ZBBX: variants seen among roughly 807,000 people sequenced by gnomAD.
The protein encoded by ZBBX is zinc finger B-box domain containing, also known as zinc finger B-box domain-containing protein 1.
Under a neutral mutation model 108.5 loss-of-function variants are expected in ZBBX, and 101 were observed. The ratio of observed to expected loss-of-function variants is 0.93; its 90% CI spans 0.79 to 1.10. The LOEUF (loss-of-function observed/expected upper bound fraction) is 1.10. Among genes scored for constraint, ZBBX ranks in the 50% least tolerant of loss-of-function variants. The pLI, the probability that ZBBX is intolerant of heterozygous loss-of-function variation, is 0.00. For missense variants in ZBBX, 1,009 were observed against 941.4 expected, an observed-to-expected ratio of 1.07 and a Z score of -0.94; for synonymous variants, 356 against 323.4, an observed-to-expected ratio of 1.10 and a Z score of -1.08.
intron 6 of ZBBX, among the ~76,000 whole-genome samples, chr3:167,363,578 C>G (rs1426640200): frequency 6.6e-6 from 1 of 151,850 alleles, no homozygotes; most frequent in Non-Finnish European, 1.5e-5. Flanking sequence ...CTTCAAAGAC[C>G]ACACACCCAG....
intron 2 of ZBBX, among the ~76,000 whole-genome samples, chr3:167,379,334 TAAAAAGCGAATA>T (rs1234968653): frequency 6.6e-6 from 1 of 152,164 alleles, no homozygotes; most frequent in African/African-American, 2.4e-5. Context: ...AGGTAAAAAT[TAAAAAGCGAATA>T]AAATAATTGC....
chr3:167,363,554 T>C (rs1744862874), intron 6 of ZBBX, among the ~76,000 whole-genome samples: 1 of 152,060 alleles, frequency 6.6e-6, no homozygotes, highest in Non-Finnish European at 1.5e-5. Flanking sequence ...GAAGGCCTCT[T>C]TAATGGACTA....
At chr3:167,369,738 C>T (rs1319851482) in intron 4 of ZBBX, among the ~76,000 whole-genome samples, 1 of 152,130 alleles carries the variant, frequency 6.6e-6, no homozygotes, top group Non-Finnish European at 1.5e-5. Flanking sequence ...CACAAAGAAA[C>T]AGCACATACC....
chr3:167,250,723 T>G, intron 20 of ZBBX, among the ~76,000 whole-genome samples: 1 of 152,042 alleles, frequency 6.6e-6, no homozygotes, highest in East Asian at 1.9e-4. Flanking sequence ...CTAAAGGTAG[T>G]TAGATGTACA....
At chr3:167,266,940 T>C (rs746945023) in intron 20 of ZBBX, among the ~76,000 whole-genome samples, 1 of 152,036 alleles carries the variant, frequency 6.6e-6, no homozygotes, top group Non-Finnish European at 1.5e-5. Flanking sequence ...CCCAGTGTGA[T>C]GAATAAACCC....
chr3:167,186,523 T>C, the ZBBX span, among the ~76,000 whole-genome samples: 1 of 152,190 alleles, frequency 6.6e-6, no homozygotes, highest in East Asian at 1.9e-4. Flanking sequence ...TCTGAGATAA[T>C]GCTTAACTTT....
intron 9 of ZBBX, among the ~76,000 whole-genome samples, chr3:167,341,331 G>A (rs1187094343): frequency 6.6e-6 from 1 of 151,650 alleles, no homozygotes; most frequent in Non-Finnish European, 1.5e-5. Context: ...ATGAAATCTG[G>A]ACTCAGTTTG....
At chr3:167,369,392 G>A (rs890157082) in intron 4 of ZBBX, among the ~76,000 whole-genome samples, 2 of 152,198 alleles carry the variant, frequency 1.3e-5, no homozygotes, top group Admixed American at 1.3e-4. Context: ...TCATAAAGGA[G>A]AAATCTTTCT....
chr3:167,340,308 T>TA (rs1740320035), intron 9 of ZBBX, among the ~76,000 whole-genome samples: 2 of 152,064 alleles, frequency 1.3e-5, no homozygotes, highest in South Asian at 4.2e-4. Flanking sequence ...AGGTACTAGT[T>TA]ACACCAAGCA....
chr3:167,212,513 G>A, the ZBBX span, among the ~76,000 whole-genome samples: 16 of 152,138 alleles, frequency 1.1e-4, no homozygotes, highest in Admixed American at 1.0e-3. Context: ...GACCCAAGGA[G>A]AGGAGGCCAG....
intron 12 of ZBBX, among the ~76,000 whole-genome samples, chr3:167,319,544 A>T (rs1326280672): frequency 6.6e-6 from 1 of 152,056 alleles, no homozygotes; most frequent in African/African-American, 2.4e-5. Flanking sequence ...ACCCAATGAA[A>T]GTCATACCAA....
Position 167,349,169 on chromosome 3 carries a change from C to T in ZBBX, c.528+1251G>A, listed in dbSNP as rs372417999. On this transcript the variant is annotated intron_variant, in intron 9 of 21. Transcript: ENST00000675490. ...CTACAACAGCTAGCACAGGGCTTAA[C>T]GTCACTGAGTGATAACTCAGAAAAT... 3.9e-4 allele frequency among the ~76,000 whole-genome samples: 60 copies of T among 152,170 alleles called. 1 individual carries two copies. The highest frequency in any genetic ancestry group is 9.4e-4 in the African/African-American group (39 of 41,560).
chr3:167,399,040 T>C (rs1226060603), intron 1 of ZBBX, among the ~76,000 whole-genome samples: 1 of 150,966 alleles, frequency 6.6e-6, no homozygotes, highest in Admixed American at 6.6e-5. Context: ...TATGCTACCT[T>C]GAGACTCTTC....
rs1745691360 is a variant in ZBBX at position 167,368,569 on chromosome 3, G to C, written c.74C>G (p.Ala25Gly). The C allele has an allele frequency of 1.2e-6, 2 of 1,605,536 alleles. No homozygotes were observed. Among genetic ancestry groups the C allele is most frequent in the African/African-American group, 1.3e-5 (1 of 74,582 alleles). ...GNSVKLKYRN[A>G]QELRMEKVQL... Reference sequence around the variant, plus strand: ...TACTTTCTCCATTCGCAGTTCTTGAGCATTTCTGAAGACATAAGATTTAAA... The same window carrying C: ...TACTTTCTCCATTCGCAGTTCTTGACCATTTCTGAAGACATAAGATTTAAA... Residue 25 changes from alanine (A) to glycine (G), a missense_variant, in exon 5 of 22, where the codon GCT becomes GGT. Transcript: ENST00000675490.
intron 10 of ZBBX, among the ~76,000 whole-genome samples, chr3:167,330,711 A>G (rs892361005): frequency 4.6e-5 from 7 of 151,340 alleles, no homozygotes; most frequent in Non-Finnish European, 8.8e-5. Flanking sequence ...CTGAGTTCAC[A>G]CCACTGCATT....
chr3:167,316,331 A>T (rs1456214818), intron 14 of ZBBX, among the ~76,000 whole-genome samples: 1 of 152,150 alleles, frequency 6.6e-6, no homozygotes, highest in Non-Finnish European at 1.5e-5. Context: ...TATTTAAAAG[A>T]GGTAAGTTCT....
In ZBBX at chr3:167,368,373, TG is replaced by T. The variant is rs898593852; in HGVS notation, c.182+87del. The T allele has an allele frequency of 7.4e-6, 7 of 940,054 alleles. No homozygotes were observed. In the African/African-American group the frequency reaches 1.2e-4, roughly 16 times the overall value. 58.2% of individuals were successfully genotyped at this position (940,054 alleles called of 1,614,324 possible). A position where few individuals can be genotyped will look rare whatever the true frequency, so the allele number is the denominator to read the frequency against. Reference sequence around the variant, plus strand: ...AGTCAGAAATTATCCATCCATTAAATGTTTTTATTGGAATGACAACAGTATA... The same window carrying T: ...AGTCAGAAATTATCCATCCATTAAATTTTTTATTGGAATGACAACAGTATA... On this transcript the variant is annotated intron_variant, in intron 5 of 21. Transcript: ENST00000675490.
chr3:167,329,792 C>T (rs1262872478), intron 10 of ZBBX, among the ~76,000 whole-genome samples: 1 of 152,112 alleles, frequency 6.6e-6, no homozygotes, highest in Admixed American at 6.6e-5. Context: ...GCCTGCTGCA[C>T]AGAGGAGCTT....
intron 1 of ZBBX, among the ~76,000 whole-genome samples, chr3:167,391,577 T>C (rs566165307): frequency 6.6e-6 from 1 of 152,182 alleles, no homozygotes; most frequent in East Asian, 1.9e-4. Flanking sequence ...CTCCTCTTTG[T>C]ACCTCTGGTA....
Sources: gnomAD v4.1 joint callset for allele counts (sites outside exome capture counted in the v4.1 genomes callset) on GRCh38, gnomAD v4.1.1 for gene constraint, MANE v1.5 for transcripts, NCBI Gene and HGNC (gene_info 2026-07-23, HGNC 2026-07-21) for gene names.